PC: variants seen among roughly 807,000 people sequenced by gnomAD.
PC encodes the protein pyruvate carboxylase, mitochondrial.
In PC, 46 loss-of-function variants were observed where a neutral mutation model predicts 107.8. That is an observed-to-expected ratio of 0.43 (90% confidence interval 0.34 to 0.55). PC has a LOEUF of 0.55. Among genes scored for constraint, PC ranks in the 20% least tolerant of loss-of-function variants. The probability of loss-of-function intolerance (pLI) is 0.04; values close to 1 mark genes in which losing one functional copy is unlikely to be tolerated. For missense variants in PC, 1,241 were observed against 1,643.1 expected, an observed-to-expected ratio of 0.76 and a Z score of 4.23; for synonymous variants, 662 against 684.7, an observed-to-expected ratio of 0.97 and a Z score of 0.52.
At chr11:66,901,289 C>T (rs1477176505) in intron 3 of PC, among the ~76,000 whole-genome samples, 1 of 152,130 alleles carries the variant, frequency 6.6e-6, no homozygotes, top group Non-Finnish European at 1.5e-5. Flanking sequence ...GACAGAGGCA[C>T]AGGCGGGAGA....
At chr11:66,942,951 G>A (rs1002715172) in intron 3 of PC, among the ~76,000 whole-genome samples, 1 of 151,844 alleles carries the variant, frequency 6.6e-6, no homozygotes, top group African/African-American at 2.4e-5. Flanking sequence ...GGGAGGCGGA[G>A]GTTGCGGTGA....
At position 66,858,455 on chromosome 11, in the gene PC, C is replaced by G; in HGVS notation, c.1369-5072G>C. 6.4e-7 allele frequency: 1 copy of G among 1,550,976 alleles called. No homozygotes were observed. The highest frequency in any genetic ancestry group is 8.7e-7 in the Non-Finnish European group (1 of 1,154,652). On this transcript the variant is annotated intron_variant, in intron 12 of 22. Coordinates refer to ENST00000393960, the MANE Select transcript of PC (RefSeq NM_001040716.2). The surrounding 1 kb of genome is among the most constrained non-coding windows in gnomAD (Gnocchi z 5.9). ...TGAGCTTTAGCGGGAACCCCCTGCACTGCAACTGTGAGCTGCTGTGGCTGC... is the reference window on the plus strand; with the variant it reads ...TGAGCTTTAGCGGGAACCCCCTGCAGTGCAACTGTGAGCTGCTGTGGCTGC...
chr11:66,927,218 T>A (rs1410165989), intron 3 of PC, among the ~76,000 whole-genome samples: 1 of 135,774 alleles, frequency 7.4e-6, no homozygotes, highest in Non-Finnish European at 1.6e-5. Context: ...ACATTTTAAA[T>A]ATGTAATTTT....
At chr11:66,905,737 G>A (rs1591263741) in intron 3 of PC, among the ~76,000 whole-genome samples, 1 of 152,272 alleles carries the variant, frequency 6.6e-6, no homozygotes, top group Non-Finnish European at 1.5e-5. Flanking sequence ...GACAGCCAAA[G>A]CCATGAGAAA....
intron 3 of PC, among the ~76,000 whole-genome samples, chr11:66,920,056 G>A (rs572679869): frequency 3.0e-4 from 46 of 152,340 alleles, no homozygotes; most frequent in African/African-American, 1.1e-3. Flanking sequence ...AACGGACTCA[G>A]AACAAGGCTG....
intron 3 of PC, among the ~76,000 whole-genome samples, chr11:66,877,667 T>G (rs1947032518): frequency 6.6e-6 from 1 of 152,212 alleles, no homozygotes; most frequent in South Asian, 2.1e-4. Flanking sequence ...AGCAGCATTA[T>G]TTACAACAGA....
In PC at chr11:66,849,892, C is replaced by G. The variant is rs370248889; in HGVS notation, c.2899-33G>C. ...GCAAAGCAGAGGATCAGTCCCAAGT[C>G]CTGCATCCAGCCCCCACCCTCACAC... is the stretch of plus-strand genomic sequence containing the variant. On this transcript the variant is annotated intron_variant, in intron 20 of 22. Transcript: ENST00000393960. 4 of 1,613,664 alleles carry G rather than the reference C, an allele frequency of 2.5e-6. No individual in the cohort carries two copies. The South Asian group carries it at 4.4e-5, about 18-fold the overall frequency.
At chr11:66,920,629 G>A (rs10791895) in intron 3 of PC, among the ~76,000 whole-genome samples, 37,187 of 151,894 alleles carry the variant, frequency 0.24, 5,711 homozygotes, top group Non-Finnish European at 0.35. Flanking sequence ...TGTCTTCGCC[G>A]CACCCTCCTC....
chr11:66,865,118 C>T (rs910588413), intron 11 of PC, among the ~76,000 whole-genome samples: 6 of 152,198 alleles, frequency 3.9e-5, no homozygotes, highest in Non-Finnish European at 7.3e-5. Context: ...CCTGGGGCTG[C>T]CGCCACCTAC....
chr11:66,856,988 C>T (rs971420058), intron 12 of PC: 62 of 146,902 alleles, frequency 4.2e-4, no homozygotes, highest in African/African-American at 1.1e-3. Flanking sequence ...CCTCAGGAGC[C>T]GGCCCGGGCC....
chr11:66,859,066 G>T, intron 12 of PC: 2 of 1,494,740 alleles, frequency 1.3e-6, no homozygotes, highest in Non-Finnish European at 1.8e-6. Flanking sequence ...CAGTACAACA[G>T]CAGCGAAGAT....
intron 21 of PC, 63 bp downstream of exon 21, chr11:66,849,548 A>G: frequency 6.2e-7 from 1 of 1,613,110 alleles, no homozygotes; most frequent in Non-Finnish European, 8.5e-7. Context: ...CAGCCAAGCT[A>G]AACTCCAGAG....
chr11:66,887,536 GA>G (rs1947418091), intron 3 of PC, among the ~76,000 whole-genome samples: 1 of 152,140 alleles, frequency 6.6e-6, no homozygotes, highest in Non-Finnish European at 1.5e-5. Context: ...AATAAATAGA[GA>G]ATTAGAAGAT....
chr11:66,885,081 C>T (rs969121059), intron 3 of PC, among the ~76,000 whole-genome samples: 4 of 152,194 alleles, frequency 2.6e-5, no homozygotes, highest in Admixed American at 6.5e-5. Context: ...TTGGGGACTT[C>T]GGGACCTGTC....
chr11:66,853,563 C>T (rs1367223807), intron 12 of PC, among the ~76,000 whole-genome samples, 180 bp from the exon 13 acceptor site: 1 of 152,184 alleles, frequency 6.6e-6, no homozygotes, highest in Non-Finnish European at 1.5e-5. Context: ...GCAGAGCCCC[C>T]TAAGCTGTCA....
chr11:66,932,084 C>T (rs1948871736), intron 3 of PC, among the ~76,000 whole-genome samples: 1 of 151,508 alleles, frequency 6.6e-6, no homozygotes, highest in African/African-American at 2.4e-5. Flanking sequence ...AAGGGCAGAC[C>T]ACCTCCAAGA....
intron 3 of PC, among the ~76,000 whole-genome samples, chr11:66,929,889 G>A (rs990351089): frequency 1.3e-5 from 2 of 152,086 alleles, no homozygotes; most frequent in African/African-American, 2.4e-5. Flanking sequence ...AAACCCTAAG[G>A]AGGAGAAACA....
In PC at chr11:66,902,346, G is replaced by A. The variant is rs144628252; in HGVS notation, c.1-30187C>T. On this transcript the variant is annotated intron_variant, in intron 3 of 22. Coordinates refer to ENST00000393960, the MANE Select transcript of PC (RefSeq NM_001040716.2). ...CTGTGATGGCCACATAGCAAGTGTC[G>A]GAATTGCTGATCATTTGTGTGAGCT... 3.8e-3 allele frequency among the ~76,000 whole-genome samples: 583 copies of A among 152,252 alleles called. 2 individuals carry two copies. The highest frequency in any genetic ancestry group is 0.037 in the Middle Eastern group (11 of 294).
At chr11:66,951,782 C>T (rs1449152713) in intron 3 of PC, among the ~76,000 whole-genome samples, 7 of 151,544 alleles carry the variant, frequency 4.6e-5, no homozygotes, top group Non-Finnish European at 7.4e-5. Flanking sequence ...CCCAGCTACT[C>T]GGGAGGCTGA....
Sources: gnomAD v4.1 joint callset for allele counts (sites outside exome capture counted in the v4.1 genomes callset) on GRCh38, gnomAD v4.1.1 for gene constraint, Gnocchi (gnomAD v3.1) non-coding constraint, MANE v1.5 for transcripts, NCBI Gene and HGNC (gene_info 2026-07-23, HGNC 2026-07-21) for gene names.